MACROD2: variants seen among roughly 807,000 people sequenced by gnomAD.
MACROD2 encodes the protein ADP-ribose glycohydrolase MACROD2.
In MACROD2, 36 loss-of-function variants were observed where a neutral mutation model predicts 70.4. The ratio of observed to expected loss-of-function variants is 0.51; its 90% CI spans 0.39 to 0.68. MACROD2 has a LOEUF of 0.68. Ranked by LOEUF, MACROD2 falls within the 30% of genes least tolerant of loss-of-function variation. MACROD2 has a pLI of 0.00. For missense variants in MACROD2, 496 were observed against 538.4 expected (o/e 0.92, Z 0.78); for synonymous variants, 172 against 178.8 (o/e 0.96, Z 0.30).
chr20:15,261,454 T>A (rs539902243), intron 6 of MACROD2, among the ~76,000 whole-genome samples: 1 of 152,010 alleles, frequency 6.6e-6, no homozygotes, highest in African/African-American at 2.4e-5. Context: ...TTAAGTCTAA[T>A]TGGCTTGCTT....
rs73258896 is a variant in MACROD2, at chr20:15,202,408, A to T, written c.419-27532A>T. Among the ~76,000 whole-genome samples the T allele has an allele frequency of 6.9e-3, 1,054 of 152,306 alleles. 13 individuals are homozygous for T. The highest frequency in any genetic ancestry group is 0.024 in the African/African-American group (998 of 41,578). On this transcript the variant is annotated intron_variant, in intron 5 of 17. Transcript: ENST00000684519. ...AGAAAAGAGCAGATTGTCTCTTTGGACAACTTCGTGTATTTCTTTCTTTAG... is the reference window on the plus strand; with the variant it reads ...AGAAAAGAGCAGATTGTCTCTTTGGTCAACTTCGTGTATTTCTTTCTTTAG...
chr20:16,015,807 T>C (rs1422073945), intron 15 of MACROD2, among the ~76,000 whole-genome samples: 1 of 152,204 alleles, frequency 6.6e-6, no homozygotes, highest in Admixed American at 6.5e-5. Context: ...GCCAGAACTA[T>C]TGTGGTTATT....
intron 8 of MACROD2, among the ~76,000 whole-genome samples, chr20:15,760,778 A>C (rs564649111): frequency 4.2e-4 from 64 of 152,358 alleles, no homozygotes; most frequent in African/African-American, 1.4e-3. Flanking sequence ...GAATGGACAC[A>C]GACACTGTGG....
At chr20:14,255,722 T>TAAAC (rs1568523631) in intron 3 of MACROD2, among the ~76,000 whole-genome samples, 1 of 70,722 alleles carries the variant, frequency 1.4e-5, no homozygotes, top group East Asian at 3.0e-4. Context: ...AATAAATAAA[T>TAAAC]AAAAAAGAAA....
At chr20:14,570,394 GGT>G (rs1175732936) in intron 4 of MACROD2, among the ~76,000 whole-genome samples, 1 of 151,848 alleles carries the variant, frequency 6.6e-6, no homozygotes, top group African/African-American at 2.4e-5. Context: ...GAGTGCTGGT[GGT>G]CTGTTTCTTG....
At chr20:14,075,039 G>A (rs1428564010) in intron 2 of MACROD2, among the ~76,000 whole-genome samples, 2 of 152,210 alleles carry the variant, frequency 1.3e-5, no homozygotes, top group African/African-American at 4.8e-5. Flanking sequence ...CACTGCCGGT[G>A]TTCAAGTCAC....
chr20:14,058,210 G>A (rs1162145121), intron 2 of MACROD2, among the ~76,000 whole-genome samples: 3 of 152,018 alleles, frequency 2.0e-5, no homozygotes, highest in South Asian at 2.1e-4. Flanking sequence ...ATATATGTAT[G>A]CTTCAATAAA....
At chr20:15,628,008 A>G (rs1405855717) in intron 8 of MACROD2, among the ~76,000 whole-genome samples, 2 of 152,216 alleles carry the variant, frequency 1.3e-5, no homozygotes, top group East Asian at 3.9e-4. Flanking sequence ...TGCCAAGGAA[A>G]GAGCAGAAGT....
At chr20:14,542,069 C>T (rs1204680850) in intron 4 of MACROD2, among the ~76,000 whole-genome samples, 1 of 152,184 alleles carries the variant, frequency 6.6e-6, no homozygotes, top group Non-Finnish European at 1.5e-5. Context: ...TCTGGATTCC[C>T]AGCCTTTCTT....
chr20:16,035,153 A>T lies in MACROD2; in HGVS notation c.1154-6048A>T, dbSNP rs186298316. On this transcript the variant is annotated intron_variant, in intron 15 of 17. Transcript: ENST00000684519. The stretch of plus-strand genomic sequence containing the variant: ...ATTATATATTATATATTATATATAA[A>T]ATATAATATAAAATATAAAATATTA... 1.8e-3 allele frequency among the ~76,000 whole-genome samples: 154 copies of T among 86,440 alleles called. 3 individuals are homozygous for T. Among genetic ancestry groups the T allele is most frequent in the African/African-American group, 6.4e-3 (111 of 17,364 alleles). The allele number at this position is 86,440 out of a possible 152,430, so 56.7% of individuals were successfully genotyped here. A position where few individuals can be genotyped will look rare whatever the true frequency, so the allele number is the denominator to read the frequency against.
At chr20:14,736,033 T>C (rs976312595) in intron 5 of MACROD2, among the ~76,000 whole-genome samples, 28 of 152,274 alleles carry the variant, frequency 1.8e-4, no homozygotes, top group African/African-American at 6.3e-4. Flanking sequence ...CAAATGTTTA[T>C]AGCAGCAATA....
chr20:14,907,479 G>T (rs1192740984), intron 5 of MACROD2, among the ~76,000 whole-genome samples: 1 of 152,216 alleles, frequency 6.6e-6, no homozygotes, highest in Non-Finnish European at 1.5e-5. Flanking sequence ...TGATAGAATA[G>T]AGCTCAGTAT....
At position 15,958,411 on chromosome 20, in the gene MACROD2, T is replaced by G. The variant is rs546555152; in HGVS notation, c.908-9142T>G. Among the ~76,000 whole-genome samples, 4 of 152,278 alleles carry G rather than the reference T, an allele frequency of 2.6e-5. No individual in the cohort carries two copies. The South Asian group carries it at 8.3e-4, about 32-fold the overall frequency. On this transcript the variant is annotated intron_variant, in intron 12 of 17. Transcript: ENST00000684519. Reference sequence around the variant, plus strand: ...TAAGTGTTTTGAATATCTCTTTGGATTCCCTCATGACTACTTTATCCGTGC... The same window carrying G: ...TAAGTGTTTTGAATATCTCTTTGGAGTCCCTCATGACTACTTTATCCGTGC...
rs574410981 is a variant in MACROD2, at chr20:15,401,771, T to C, written c.541-29634T>C. Among the ~76,000 whole-genome samples the C allele has an allele frequency of 2.0e-5, 3 of 152,062 alleles. No homozygotes were observed. The South Asian group carries it at 6.2e-4, about 32-fold the overall frequency. On this transcript the variant is annotated intron_variant, in intron 6 of 17. Coordinates refer to ENST00000684519, the MANE Select transcript of MACROD2 (RefSeq NM_001351661.2). ...CCGACTATAGAAAACAATAGAGAAA[T>C]TGTAGTTATAGGATCCACCAGGTAG...
intron 4 of MACROD2, among the ~76,000 whole-genome samples, chr20:14,560,339 A>ACACACG (rs3044714): frequency 6.6e-6 from 1 of 150,746 alleles, no homozygotes; most frequent in Non-Finnish European, 1.5e-5. Context: ...ACACACACAC[A>ACACACG]GGTGCACGCA....
At chr20:14,160,455 G>T (rs935403940) in intron 3 of MACROD2, among the ~76,000 whole-genome samples, 16 of 152,148 alleles carry the variant, frequency 1.1e-4, no homozygotes, top group Non-Finnish European at 2.1e-4. Context: ...CAGGTAGGTT[G>T]TATGTACCAG....
intron 8 of MACROD2, among the ~76,000 whole-genome samples, chr20:15,584,402 GC>G (rs769671249): frequency 6.6e-6 from 1 of 150,946 alleles, no homozygotes; most frequent in Non-Finnish European, 1.5e-5. Flanking sequence ...AAATGGAATA[GC>G]TTTTAGAAAT....
chr20:14,540,692 TA>T, intron 4 of MACROD2, among the ~76,000 whole-genome samples: 1 of 152,302 alleles, frequency 6.6e-6, no homozygotes, highest in Middle Eastern at 3.4e-3. Flanking sequence ...GATGTTGCCA[TA>T]ATCCCTTTTA....
chr20:14,952,290 T>A (rs1347672644), intron 5 of MACROD2, among the ~76,000 whole-genome samples: 17 of 152,160 alleles, frequency 1.1e-4, no homozygotes, highest in Admixed American at 1.1e-3. Flanking sequence ...GAGTTCATGG[T>A]CAAGTGTAAA....
Sources: gnomAD v4.1 joint callset for allele counts (sites outside exome capture counted in the v4.1 genomes callset) on GRCh38, gnomAD v4.1.1 for gene constraint, MANE v1.5 for transcripts, NCBI Gene and HGNC (gene_info 2026-07-23, HGNC 2026-07-21) for gene names.